ARHGAP15: variants seen among roughly 807,000 people sequenced by gnomAD.
ARHGAP15 encodes Rho GTPase activating protein 15, also known as rho GTPase-activating protein 15.
A neutral mutation model predicts 63.7 loss-of-function variants in ARHGAP15; 51 were observed. That is an observed-to-expected ratio of 0.80 (90% CI 0.64 to 1.01). The LOEUF (loss-of-function observed/expected upper bound fraction) is 1.01. ARHGAP15 is among the 50% of genes least tolerant of loss of function. ARHGAP15 has a pLI of 0.00. For synonymous variants in ARHGAP15, 191 were observed against 193.8 expected (o/e 0.99, Z 0.12); for missense variants, 560 against 564.6 (o/e 0.99, Z 0.08).
At chr2:143,323,951 G>A (rs1684142917) in intron 6 of ARHGAP15, among the ~76,000 whole-genome samples, 1 of 143,876 alleles carries the variant, frequency 7.0e-6, no homozygotes. Flanking sequence ...AACGGGCCAT[G>A]TATCAGTGAA....
At chr2:143,508,955 AAG>A (rs112733684) in intron 9 of ARHGAP15, among the ~76,000 whole-genome samples, 7 of 152,210 alleles carry the variant, frequency 4.6e-5, no homozygotes, top group African/African-American at 1.7e-4. Flanking sequence ...CTGAGAAACA[AAG>A]AGAAAAAGTA....
At chr2:143,206,066 C>T (rs1051074561) in intron 3 of ARHGAP15, among the ~76,000 whole-genome samples, 4 of 152,098 alleles carry the variant, frequency 2.6e-5, no homozygotes, top group Admixed American at 6.6e-5. Flanking sequence ...TACCCTCAAG[C>T]CAGGAGTAGT....
chr2:143,482,133 G>C (rs913613402), intron 8 of ARHGAP15, among the ~76,000 whole-genome samples: 4 of 152,090 alleles, frequency 2.6e-5, no homozygotes. Context: ...GTTTATGGAG[G>C]TAAAAATACC....
intron 12 of ARHGAP15, among the ~76,000 whole-genome samples, chr2:143,685,552 C>T (rs952530767): frequency 6.6e-5 from 10 of 152,186 alleles, no homozygotes; most frequent in Admixed American, 5.9e-4. Context: ...AGGCATCTGT[C>T]GCTTGCTCTA....
chr2:143,223,370 C>G (rs182110041), intron 4 of ARHGAP15, among the ~76,000 whole-genome samples: 40 of 152,302 alleles, frequency 2.6e-4, no homozygotes, highest in Non-Finnish European at 5.0e-4. Context: ...CCTGTGGAAA[C>G]TGATGGCTGT....
chr2:143,530,623 C>G (rs1694484094), intron 10 of ARHGAP15, among the ~76,000 whole-genome samples: 1 of 46,298 alleles, frequency 2.2e-5, no homozygotes, highest in Non-Finnish European at 4.6e-5. Flanking sequence ...CATTATCACC[C>G]CCTAGGTAAT....
chr2:143,285,833 CTG>C (rs1189026441), intron 6 of ARHGAP15, among the ~76,000 whole-genome samples: 1 of 152,154 alleles, frequency 6.6e-6, no homozygotes, highest in African/African-American at 2.4e-5. Context: ...TAATAAAACT[CTG>C]TCTTTAGTGT....
chr2:143,366,939 A>C (rs1686319879), intron 6 of ARHGAP15, among the ~76,000 whole-genome samples: 1 of 152,004 alleles, frequency 6.6e-6, no homozygotes, highest in African/African-American at 2.4e-5. Flanking sequence ...TGTTTACTTG[A>C]TTTATCTTAA....
intron 8 of ARHGAP15, among the ~76,000 whole-genome samples, chr2:143,480,093 A>G (rs77249644): frequency 0.099 from 15,059 of 152,272 alleles, 966 homozygotes; most frequent in South Asian, 0.17. Context: ...GCCTTACACT[A>G]TAGAAATACA....
chr2:143,755,128 C>T (rs532856176), intron 13 of ARHGAP15, among the ~76,000 whole-genome samples: 1 of 152,280 alleles, frequency 6.6e-6, no homozygotes. Context: ...CCAAACCACA[C>T]TTCAAAGATT....
At chr2:143,292,018 G>T (rs539149187) in intron 6 of ARHGAP15, among the ~76,000 whole-genome samples, 1 of 152,050 alleles carries the variant, frequency 6.6e-6, no homozygotes, top group African/African-American at 2.4e-5. Context: ...TACCTCTAAC[G>T]CGATGGCTAT....
intron 6 of ARHGAP15, among the ~76,000 whole-genome samples, chr2:143,286,521 A>G (rs1682110818): frequency 6.6e-6 from 1 of 152,236 alleles, no homozygotes; most frequent in South Asian, 2.1e-4. Context: ...GTTTGTGTGC[A>G]TCTGCATGTG....
intron 10 of ARHGAP15, among the ~76,000 whole-genome samples, chr2:143,540,918 T>C (rs1268050726): frequency 6.6e-6 from 1 of 152,236 alleles, no homozygotes; most frequent in Non-Finnish European, 1.5e-5. Context: ...ATTTGAATGT[T>C]GGCCTGCCTT....
intron 12 of ARHGAP15, among the ~76,000 whole-genome samples, chr2:143,667,432 A>AG (rs1364533886): frequency 1.5e-5 from 1 of 68,322 alleles, no homozygotes; most frequent in African/African-American, 5.7e-5. Context: ...GGGTCGGGGG[A>AG]GGGGGGAGAG....
chr2:143,662,830 A>G (rs1342549197), intron 12 of ARHGAP15, among the ~76,000 whole-genome samples: 1 of 130,696 alleles, frequency 7.7e-6, no homozygotes, highest in Non-Finnish European at 1.6e-5. Context: ...GGAAGATGAA[A>G]TGAATGAAAT....
chr2:143,146,086 C>T (rs1396926067), intron 1 of ARHGAP15, among the ~76,000 whole-genome samples: 2 of 151,292 alleles, frequency 1.3e-5, no homozygotes, highest in African/African-American at 4.9e-5. Context: ...AAGCACTAAT[C>T]GTAAAAGGAT....
chr2:143,534,578 G>GA (rs1574592819), intron 10 of ARHGAP15, among the ~76,000 whole-genome samples: 1 of 151,722 alleles, frequency 6.6e-6, no homozygotes, highest in Non-Finnish European at 1.5e-5. Context: ...TCAATCTATA[G>GA]AAAAAAAGAC....
At chr2:143,660,507 T>C (rs1162963650) in intron 12 of ARHGAP15, among the ~76,000 whole-genome samples, 1 of 152,224 alleles carries the variant, frequency 6.6e-6, no homozygotes, top group East Asian at 1.9e-4. Flanking sequence ...GAAGACTTTA[T>C]TTTAAAATCG....
At chr2:143,201,736 C>T (rs112956848) in intron 2 of ARHGAP15, among the ~76,000 whole-genome samples, 2,281 of 152,192 alleles carry the variant, frequency 0.015, 35 homozygotes, top group Middle Eastern at 0.054. Context: ...AACATATTTT[C>T]CAAGAGTGAA....
Sources: gnomAD v4.1 joint callset for allele counts (sites outside exome capture counted in the v4.1 genomes callset) on GRCh38, gnomAD v4.1.1 for gene constraint, MANE v1.5 for transcripts, NCBI Gene and HGNC (gene_info 2026-07-23, HGNC 2026-07-21) for gene names.